Variants in LPP observed in about 807,000 individuals in gnomAD.
The protein encoded by LPP is LIM domain containing preferred translocation partner in lipoma, also known as lipoma-preferred partner.
Under a neutral mutation model 60.4 loss-of-function variants are expected in LPP, and 38 were observed. That is an observed-to-expected ratio of 0.63 (90% confidence interval 0.49 to 0.83). The LOEUF is 0.83. LPP is among the 40% of genes least tolerant of loss of function. The probability of loss-of-function intolerance (pLI) is 0.00; values close to 1 mark genes in which losing one functional copy is unlikely to be tolerated. For missense variants in LPP, 902 were observed against 783.6 expected (o/e 1.15, Z -1.80); for synonymous variants, 328 against 290.8 (o/e 1.13, Z -1.30).
chr3:188,760,265 T>C lies in LPP; in HGVS notation c.1393T>C (p.Cys465Arg), dbSNP rs1321388616. 6.2e-7 allele frequency: 1 copy of C among 1,613,968 alleles called. No individual in the cohort carries two copies. The highest frequency in any genetic ancestry group is 8.5e-7 in the Non-Finnish European group (1 of 1,179,984). The change falls in exon 9 of 12, where the codon TGC (cysteine) becomes CGC (arginine). Residue 465 changes from cysteine to arginine, a missense_variant. Physicochemically the swap from Cys to Arg is radical, Grantham distance 180 (BLOSUM62 -3). Coordinates refer to ENST00000617246, the MANE Select transcript of LPP (RefSeq NM_001375462.1). ...CTATGCTGTGGAAAAGAAAGCATAC[T>C]GCGAGCCCTGCTACATTGTAAGTTC... ...PFYAVEKKAY[C>R]EPCYINTLEQ...
intron 5 of LPP, among the ~76,000 whole-genome samples, chr3:188,506,957 C>T (rs1294284668): frequency 1.3e-5 from 2 of 152,064 alleles, no homozygotes; most frequent in Non-Finnish European, 2.9e-5. Flanking sequence ...ACCACCACAC[C>T]TGGCTAATTT....
chr3:188,645,177 T>A (rs1850877951), intron 7 of LPP, among the ~76,000 whole-genome samples: 4 of 152,206 alleles, frequency 2.6e-5, no homozygotes, highest in Admixed American at 1.3e-4. Flanking sequence ...AAGCAAGTAC[T>A]TTTATATTTG....
chr3:188,761,667 T>C (rs1166965524), intron 9 of LPP, among the ~76,000 whole-genome samples: 1 of 152,188 alleles, frequency 6.6e-6, no homozygotes, highest in East Asian at 1.9e-4. Context: ...TTAGATTCTT[T>C]GCAGATGCTA....
At chr3:188,354,439 C>T (rs763309728) in intron 3 of LPP, among the ~76,000 whole-genome samples, 36 of 152,012 alleles carry the variant, frequency 2.4e-4, no homozygotes, top group Admixed American at 6.5e-5. Context: ...GTGTGCGTGT[C>T]TCTGTGTGGT....
At chr3:188,757,908 T>TTTTTTTTTC (rs1730902992) in intron 8 of LPP, among the ~76,000 whole-genome samples, 1 of 149,900 alleles carries the variant, frequency 6.7e-6, no homozygotes, top group Non-Finnish European at 1.5e-5. Flanking sequence ...TTTTTTTTTT[T>TTTTTTTTTC]TCAGAATAAT....
chr3:188,410,159 C>G (rs1262679076), intron 4 of LPP, among the ~76,000 whole-genome samples: 1 of 152,174 alleles, frequency 6.6e-6, no homozygotes, highest in East Asian at 1.9e-4. Flanking sequence ...CTGACACATA[C>G]TAGGAACTCA....
chr3:188,641,347 T>G (rs560312283), intron 7 of LPP, among the ~76,000 whole-genome samples: 1 of 152,340 alleles, frequency 6.6e-6, no homozygotes, highest in East Asian at 1.9e-4. Flanking sequence ...CATAGAAGTG[T>G]ACATCTTTCT....
At chr3:188,214,894 C>T (rs993467847) in intron 1 of LPP, among the ~76,000 whole-genome samples, 12 of 152,320 alleles carry the variant, frequency 7.9e-5, no homozygotes, top group African/African-American at 2.9e-4. Context: ...CAGGGCTAAA[C>T]ACTTTACCTA....
intron 6 of LPP, among the ~76,000 whole-genome samples, chr3:188,588,696 T>C (rs1281129157): frequency 6.6e-6 from 1 of 152,238 alleles, no homozygotes; most frequent in East Asian, 1.9e-4. Context: ...TAGCTGTTAT[T>C]AAATTCTGCC....
At chr3:188,505,215 A>G (rs929974768) in intron 5 of LPP, among the ~76,000 whole-genome samples, 1 of 152,180 alleles carries the variant, frequency 6.6e-6, no homozygotes, top group African/African-American at 2.4e-5. Flanking sequence ...GGAAAGACAG[A>G]TTTGTGGTGC....
intron 3 of LPP, among the ~76,000 whole-genome samples, chr3:188,403,163 C>T (rs886232713): frequency 6.6e-6 from 1 of 152,100 alleles, no homozygotes; most frequent in African/African-American, 2.4e-5. Context: ...GGGCAGCATG[C>T]GGGTAATTTA....
intron 9 of LPP, among the ~76,000 whole-genome samples, chr3:188,855,807 C>T (rs1256619551): frequency 6.6e-6 from 1 of 152,018 alleles, no homozygotes; most frequent in African/African-American, 2.4e-5. Context: ...GAATTTAGGC[C>T]CAGGGAGGAA....
At chr3:188,321,342 A>C (rs1428445610) in intron 2 of LPP, among the ~76,000 whole-genome samples, 1 of 152,194 alleles carries the variant, frequency 6.6e-6, no homozygotes, top group Non-Finnish European at 1.5e-5. Context: ...TATATTTGTA[A>C]AATAATTTTT....
intron 7 of LPP, among the ~76,000 whole-genome samples, chr3:188,680,842 C>T (rs552626323): frequency 1.3e-4 from 20 of 152,204 alleles, no homozygotes; most frequent in African/African-American, 2.9e-4. Flanking sequence ...CATTATGAAA[C>T]GCAAGTTTTA....
chr3:188,620,834 A>C (rs370460804), intron 7 of LPP, among the ~76,000 whole-genome samples: 4 of 152,174 alleles, frequency 2.6e-5, no homozygotes, highest in Admixed American at 1.3e-4. Context: ...TTATGTGTCT[A>C]TCTCTCAAAT....
intron 7 of LPP, among the ~76,000 whole-genome samples, chr3:188,685,162 G>A (rs1326370634): frequency 6.6e-6 from 1 of 152,182 alleles, no homozygotes; most frequent in Non-Finnish European, 1.5e-5. Context: ...CAAGACAGTG[G>A]GCTCTGAAGT....
intron 4 of LPP, among the ~76,000 whole-genome samples, chr3:188,457,431 A>G (rs899554393): frequency 2.6e-5 from 4 of 152,176 alleles, no homozygotes; most frequent in Non-Finnish European, 4.4e-5. Flanking sequence ...CTTTTGAAAG[A>G]AAGGAAAATC....
Position 188,728,322 on chromosome 3 carries a change from G to T in LPP, c.1240+19929G>T, listed in dbSNP as rs566117341. ...TGAAGAGTGACAATCACTTTCTAAAGATTTTTAAAATGTCACTTATAACTA... is the reference window on the plus strand; with the variant it reads ...TGAAGAGTGACAATCACTTTCTAAATATTTTTAAAATGTCACTTATAACTA... On this transcript the variant is annotated intron_variant, in intron 8 of 11. Transcript: ENST00000617246. Among the ~76,000 whole-genome samples the T allele has an allele frequency of 5.9e-5, 9 of 152,272 alleles. 1 individual carries two copies. Among genetic ancestry groups the T allele is most frequent in the Admixed American group, 4.6e-4 (7 of 15,294 alleles).
At chr3:188,848,992 G>A (rs1005011208) in intron 9 of LPP, among the ~76,000 whole-genome samples, 10 of 151,358 alleles carry the variant, frequency 6.6e-5, no homozygotes, top group African/African-American at 2.4e-4. Flanking sequence ...AATAGGTTCC[G>A]GGTGTTGCAG....
Sources: gnomAD v4.1 joint callset for allele counts (sites outside exome capture counted in the v4.1 genomes callset) on GRCh38, gnomAD v4.1.1 for gene constraint, MANE v1.5 for transcripts, NCBI Gene and HGNC (gene_info 2026-07-23, HGNC 2026-07-21) for gene names.